The following CBFA2T3 variants were observed in gnomAD, a reference collection of about 807,000 sequenced individuals.
CBFA2T3 encodes CBFA2/RUNX1 partner transcriptional co-repressor 3, also known as transcriptional corepressor CBFA2T3.
In CBFA2T3, 31 loss-of-function variants were observed where a neutral mutation model predicts 58.6. That is an observed-to-expected ratio of 0.53 (90% CI 0.40 to 0.71). The LOEUF is 0.71. Among genes scored for constraint, CBFA2T3 ranks in the 30% least tolerant of loss-of-function variants. The probability of loss-of-function intolerance (pLI) is 0.00; values close to 1 mark genes in which losing one functional copy is unlikely to be tolerated. For missense variants in CBFA2T3, 1,076 were observed against 963.1 expected (o/e 1.12, Z -1.55); for synonymous variants, 531 against 421.9 (o/e 1.26, Z -3.17).
Position 88,977,190 on chromosome 16 carries a change from C to G in CBFA2T3, c.-383G>C, listed in dbSNP as rs1015712802. On this transcript the variant is annotated 5_prime_UTR_variant, in exon 1 of 12. Coordinates refer to ENST00000268679, the MANE Select transcript of CBFA2T3 (RefSeq NM_005187.6). ...GGGGCCCTGCCCTGCGCGGCCTTCC[C>G]TCGGGCCATTCCGGTTTGACCTTCC... 1.9e-5 allele frequency: 5 copies of G among 269,468 alleles called. No homozygotes were observed. The highest frequency in any genetic ancestry group is 3.6e-5 in the Non-Finnish European group (5 of 139,662). 16.7% of individuals were successfully genotyped at this position (269,468 alleles called of 1,614,324 possible).
chr16:88,961,944 A>C (rs993996427), intron 1 of CBFA2T3, among the ~76,000 whole-genome samples: 16 of 139,370 alleles, frequency 1.1e-4, no homozygotes, highest in South Asian at 2.4e-4. Flanking sequence ...AGTAACCGAC[A>C]CTCAGCGCTG....
At chr16:88,895,136 G>C (rs1284369255) in intron 3 of CBFA2T3, among the ~76,000 whole-genome samples, 1 of 152,196 alleles carries the variant, frequency 6.6e-6, no homozygotes, top group African/African-American at 2.4e-5. Context: ...CTCCGGCTAG[G>C]CCAGGCCTCC....
At chr16:88,935,633 A>G (rs1386652819) in intron 1 of CBFA2T3, among the ~76,000 whole-genome samples, 2 of 152,202 alleles carry the variant, frequency 1.3e-5, no homozygotes, top group Non-Finnish European at 2.9e-5. Flanking sequence ...GAGTCTGACC[A>G]TCGAGGTGGT....
chr16:88,919,803 T>C (rs560822156), intron 1 of CBFA2T3, among the ~76,000 whole-genome samples: 2 of 152,342 alleles, frequency 1.3e-5, no homozygotes, highest in African/African-American at 4.8e-5. Flanking sequence ...CCGTGGACAC[T>C]GTTTCAATGC....
At position 88,885,418 on chromosome 16, in the gene CBFA2T3, CG is replaced by C. The variant is rs1969323015; in HGVS notation, c.894-150del. 1 of 549,666 alleles carries C rather than the reference CG, an allele frequency of 1.8e-6. No individual in the cohort carries two copies. The highest frequency in any genetic ancestry group is 3.0e-6 in the Non-Finnish European group (1 of 330,198). The allele number at this position is 549,666 out of a possible 1,614,324, so 34.0% of individuals were successfully genotyped here. A position where few individuals can be genotyped will look rare whatever the true frequency, so the allele number is the denominator to read the frequency against. ...GAAACACGGAGCAAAACACCAGCCC[CG>C]GGAAGCCCAGCCCGGCGCCCCCACT... On this transcript the variant is annotated intron_variant, in intron 6 of 11. Coordinates refer to ENST00000268679, the MANE Select transcript of CBFA2T3 (RefSeq NM_005187.6). This position sits in a 1 kb window ranked among gnomAD's most constrained non-coding sequence, Gnocchi z 5.3.
intron 1 of CBFA2T3, among the ~76,000 whole-genome samples, chr16:88,931,316 G>A (rs1971291864): frequency 6.6e-6 from 1 of 152,118 alleles, no homozygotes; most frequent in African/African-American, 2.4e-5. Context: ...TGGAGGCCAG[G>A]CCCAGAAGGC....
At chr16:88,893,273 A>C (rs1969725611) in intron 3 of CBFA2T3, among the ~76,000 whole-genome samples, 1 of 144,700 alleles carries the variant, frequency 6.9e-6, no homozygotes, top group Non-Finnish European at 1.5e-5. Context: ...CCCCACACAC[A>C]GGCGCCTCCC....
At chr16:88,946,184 G>A (rs1348330557) in intron 1 of CBFA2T3, among the ~76,000 whole-genome samples, 1 of 152,066 alleles carries the variant, frequency 6.6e-6, no homozygotes, top group Non-Finnish European at 1.5e-5. Flanking sequence ...GGCGGTGCCT[G>A]TAATCCCAGC....
At chr16:88,917,229 A>T (rs1274783432) in intron 1 of CBFA2T3, among the ~76,000 whole-genome samples, 1 of 152,162 alleles carries the variant, frequency 6.6e-6, no homozygotes, top group Non-Finnish European at 1.5e-5. Flanking sequence ...TTAGGTGTGG[A>T]GCAGAAAGTC....
At chr16:88,935,604 T>C (rs1009691139) in intron 1 of CBFA2T3, among the ~76,000 whole-genome samples, 20 of 152,288 alleles carry the variant, frequency 1.3e-4, no homozygotes, top group African/African-American at 4.3e-4. Context: ...GCACAGGGCC[T>C]GGGGTCTGGG....
intron 1 of CBFA2T3, among the ~76,000 whole-genome samples, chr16:88,910,547 G>A (rs997306268): frequency 9.9e-5 from 15 of 152,238 alleles, no homozygotes; most frequent in Non-Finnish European, 1.9e-4. Flanking sequence ...CGGAGCCACC[G>A]TCATCTGAAG....
At chr16:88,943,531 A>G (rs1454669180) in intron 1 of CBFA2T3, among the ~76,000 whole-genome samples, 4 of 152,108 alleles carry the variant, frequency 2.6e-5, no homozygotes, top group Non-Finnish European at 4.4e-5. Flanking sequence ...CGTGGTAGAG[A>G]AGAAAGGGAT....
chr16:88,880,561 T>C (rs1209997492), intron 10 of CBFA2T3, among the ~76,000 whole-genome samples, 159 bp downstream of exon 10: 1 of 152,206 alleles, frequency 6.6e-6, no homozygotes, highest in African/African-American at 2.4e-5. Context: ...GTGAACCTAC[T>C]CTGACCTCTC....
At chr16:88,948,630 C>T (rs1457119948) in intron 1 of CBFA2T3, among the ~76,000 whole-genome samples, 1 of 152,264 alleles carries the variant, frequency 6.6e-6, no homozygotes, top group East Asian at 1.9e-4. Context: ...ACATCGGCAT[C>T]GCTGCTTTTG....
chr16:88,891,654 C>G (rs1969636031), intron 5 of CBFA2T3, among the ~76,000 whole-genome samples: 1 of 152,230 alleles, frequency 6.6e-6, no homozygotes, highest in Non-Finnish European at 1.5e-5. Context: ...AACTAATTTT[C>G]AGGCCTTAAC....
At chr16:88,935,145 C>T (rs957996523) in intron 1 of CBFA2T3, among the ~76,000 whole-genome samples, 1 of 152,206 alleles carries the variant, frequency 6.6e-6, no homozygotes, top group African/African-American at 2.4e-5. Context: ...CCTGTTCTGT[C>T]CACTTGGGCA....
chr16:88,949,752 T>A (rs1037787417), intron 1 of CBFA2T3, among the ~76,000 whole-genome samples: 1 of 151,924 alleles, frequency 6.6e-6, no homozygotes, highest in Non-Finnish European at 1.5e-5. Context: ...AGCTCACGCC[T>A]GTAATCCCAG....
rs371563103 is a variant in CBFA2T3 at position 88,919,969 on chromosome 16, G to A, written c.152-18313C>T. ...AGAATTAAAGCGATTTACAAGTGCAGGCATACAGCAAGTGCTCAATTAGTG... is the reference window on the plus strand; with the variant it reads ...AGAATTAAAGCGATTTACAAGTGCAAGCATACAGCAAGTGCTCAATTAGTG... On this transcript the variant is annotated intron_variant, in intron 1 of 11. Transcript: ENST00000268679. 9.2e-5 allele frequency among the ~76,000 whole-genome samples: 14 copies of A among 152,374 alleles called. No homozygotes were observed. The East Asian group carries it at 2.7e-3, about 29-fold the overall frequency.
intron 8 of CBFA2T3, among the ~76,000 whole-genome samples, chr16:88,882,086 C>T (rs1341832867): frequency 6.6e-6 from 1 of 152,238 alleles, no homozygotes; most frequent in Non-Finnish European, 1.5e-5. Context: ...AGGAATCCTC[C>T]TCCCTGGGCC....
Sources: allele counts gnomAD v4.1 joint callset (sites outside exome capture counted in the v4.1 genomes callset), GRCh38; gene constraint gnomAD v4.1.1; non-coding constraint Gnocchi (gnomAD v3.1); transcripts MANE v1.5; gene names NCBI Gene and HGNC (gene_info 2026-07-23, HGNC 2026-07-21).